The following ANAPC1 variants were observed in gnomAD, a reference collection of about 807,000 sequenced individuals.
The protein encoded by ANAPC1 is anaphase-promoting complex subunit 1.
Under a neutral mutation model 208.0 loss-of-function variants are expected in ANAPC1, and 36 were observed. The observed-to-expected ratio is 0.17, with a 90% CI of 0.13 to 0.23. The LOEUF (loss-of-function observed/expected upper bound fraction) is 0.23. ANAPC1 is among the 10% of genes least tolerant of loss of function. ANAPC1 has a pLI of 1.00. For synonymous variants in ANAPC1, 378 were observed against 695.2 expected (o/e 0.54, Z 7.18); for missense variants, 942 against 2,011.6 (o/e 0.47, Z 10.17).
chr2:111,829,357 C>A (rs536508299), intron 21 of ANAPC1, among the ~76,000 whole-genome samples: 1 of 152,174 alleles, frequency 6.6e-6, no homozygotes, highest in South Asian at 2.1e-4. Context: ...AAGCACTTCT[C>A]ACCATGAAGC....
At chr2:111,783,733 T>C (rs1677407784) in intron 42 of ANAPC1, among the ~76,000 whole-genome samples, 164 bp downstream of exon 42, 1 of 152,296 alleles carries the variant, frequency 6.6e-6, no homozygotes, top group South Asian at 2.1e-4. Context: ...CAAGTCCTGT[T>C]TCAAAGATAC....
At chr2:111,816,341 C>G (rs1392927744) in intron 27 of ANAPC1, among the ~76,000 whole-genome samples, 1 of 150,858 alleles carries the variant, frequency 6.6e-6, no homozygotes, top group East Asian at 1.9e-4. Flanking sequence ...CCCCTTCTCT[C>G]TCTTTTTTTC....
chr2:111,855,853 T>C (rs1681682133), intron 13 of ANAPC1, among the ~76,000 whole-genome samples: 1 of 151,928 alleles, frequency 6.6e-6, no homozygotes, highest in Non-Finnish European at 1.5e-5. Context: ...ATTCACTTCA[T>C]TATTATTATT....
intron 13 of ANAPC1, among the ~76,000 whole-genome samples, 164 bp from the exon 14 acceptor site, chr2:111,851,074 T>G (rs1274867935): frequency 6.6e-6 from 1 of 152,120 alleles, no homozygotes; most frequent in African/African-American, 2.4e-5. Context: ...ATCTATCCAA[T>G]TCCACTATCC....
rs1162540899 is a variant in ANAPC1, at chr2:111,810,882, CAAAAAAAAAA to C, written c.3598-1711_3598-1702del. Among the ~76,000 whole-genome samples, 20 of 71,800 alleles carry C rather than the reference CAAAAAAAAAA, an allele frequency of 2.8e-4. No individual in the cohort carries two copies. In the East Asian group the frequency reaches 4.8e-3, roughly 17 times the overall value. 47.1% of individuals were successfully genotyped at this position (71,800 alleles called of 152,430 possible). ...TAGGTGACAGGGTGAGACTCCACATCAAAAAAAAAAAAAAAAAAAAAAAGAACAGTGGTAC... is the reference window on the plus strand; with the variant it reads ...TAGGTGACAGGGTGAGACTCCACATCAAAAAAAAAAAAAGAACAGTGGTAC... On this transcript the variant is annotated intron_variant, in intron 28 of 47. Coordinates refer to ENST00000341068, the MANE Select transcript of ANAPC1 (RefSeq NM_022662.4).
intron 16 of ANAPC1, among the ~76,000 whole-genome samples, chr2:111,846,624 C>CAGT (rs1681101948): frequency 1.7e-5 from 2 of 121,108 alleles, no homozygotes; most frequent in African/African-American, 6.4e-5. Context: ...GGCTGGAGTG[C>CAGT]AGTGGCACGA....
chr2:111,854,364 C>G (rs181973512), intron 13 of ANAPC1, among the ~76,000 whole-genome samples: 2 of 152,284 alleles, frequency 1.3e-5, no homozygotes, highest in Admixed American at 1.3e-4. Context: ...CCAGGCAGAG[C>G]AGACTTGGCA....
intron 6 of ANAPC1, among the ~76,000 whole-genome samples, chr2:111,872,275 C>A (rs1682794226): frequency 6.6e-6 from 1 of 152,060 alleles, no homozygotes; most frequent in South Asian, 2.1e-4. Flanking sequence ...TGTGATGTGT[C>A]ACATTTATTG....
At chr2:111,810,963 T>C (rs1037200280) in intron 28 of ANAPC1, among the ~76,000 whole-genome samples, 1 of 150,300 alleles carries the variant, frequency 6.7e-6, no homozygotes, top group African/African-American at 2.5e-5. Flanking sequence ...GCTCCTAGAA[T>C]GTATATTAAG....
At chr2:111,867,155 T>C (rs1682471557) in intron 7 of ANAPC1, among the ~76,000 whole-genome samples, 2 of 151,854 alleles carry the variant, frequency 1.3e-5, no homozygotes, top group Non-Finnish European at 2.9e-5. Context: ...CTGAGTGTGG[T>C]GGCACATGCC....
At chr2:111,824,834 G>A in intron 24 of ANAPC1, 132 bp downstream of exon 24, 1 of 950,486 alleles carries the variant, frequency 1.1e-6, no homozygotes, top group Non-Finnish European at 1.6e-6. Flanking sequence ...AAAGAATATG[G>A]CTTGATGAAC....
chr2:111,834,359 T>C (rs1573423064), intron 19 of ANAPC1, among the ~76,000 whole-genome samples: 2 of 152,070 alleles, frequency 1.3e-5, no homozygotes, highest in Admixed American at 1.3e-4. Context: ...GAGCAGGTCA[T>C]CTCCATTTTT....
rs1209280966 is a variant in ANAPC1, at chr2:111,834,834, A to G, written c.2154T>C (p.Asn718=). The change falls in exon 19 of 48, where the codon AAT becomes AAC. Residue 718 remains asparagine (N), a synonymous_variant. Coordinates refer to ENST00000341068, the MANE Select transcript of ANAPC1 (RefSeq NM_022662.4). ...EYLLNSDYHQ[N]VESHLLNRSL... ...ATCTGTTCAAAAGATGAGACTCAAC[A>G]TTCTGGTGGTAGTCTGAATTTAGTA... 1 of 1,606,318 alleles carries G rather than the reference A, an allele frequency of 6.2e-7. No homozygotes were observed. The highest frequency in any genetic ancestry group is 8.5e-7 in the Non-Finnish European group (1 of 1,177,282).
chr2:111,852,518 C>G (rs1573464680), intron 13 of ANAPC1, among the ~76,000 whole-genome samples: 1 of 152,196 alleles, frequency 6.6e-6, no homozygotes, highest in East Asian at 1.9e-4. Context: ...CATCAGGAGG[C>G]ACAGTGAAAA....
At chr2:111,769,675 C>CTGAGT (rs377026379) in intron 47 of ANAPC1, among the ~76,000 whole-genome samples, 1 of 136,754 alleles carries the variant, frequency 7.3e-6, no homozygotes, top group Admixed American at 7.5e-5. Context: ...CACCTACTGG[C>CTGAGT]TTTCTTTTTT....
At chr2:111,829,530 T>C (rs1280479405) in intron 21 of ANAPC1, among the ~76,000 whole-genome samples, 6 of 152,114 alleles carry the variant, frequency 3.9e-5, no homozygotes, top group Non-Finnish European at 5.9e-5. Flanking sequence ...TGCTCCAGGA[T>C]GGGGGGACTG....
At chr2:111,873,107 A>G in intron 5 of ANAPC1, 1 of 602,022 alleles carries the variant, frequency 1.7e-6, no homozygotes, top group Non-Finnish European at 2.8e-6. Flanking sequence ...AGACTTCCTA[A>G]TTTACTTCAC....
At chr2:111,832,050 T>C (rs1680169764) in intron 20 of ANAPC1, among the ~76,000 whole-genome samples, 1 of 146,738 alleles carries the variant, frequency 6.8e-6, no homozygotes, top group Non-Finnish European at 1.5e-5. Flanking sequence ...CCCAGCCCCT[T>C]GGGAGGCTGA....
intron 7 of ANAPC1, among the ~76,000 whole-genome samples, chr2:111,865,520 A>C (rs965917039): frequency 3.9e-5 from 6 of 152,220 alleles, no homozygotes; most frequent in Non-Finnish European, 7.3e-5. Flanking sequence ...CAGTTAAAAT[A>C]CTGAAAAATT....
Sources: gnomAD v4.1 joint callset for allele counts (sites outside exome capture counted in the v4.1 genomes callset) on GRCh38, gnomAD v4.1.1 for gene constraint, MANE v1.5 for transcripts, NCBI Gene and HGNC (gene_info 2026-07-23, HGNC 2026-07-21) for gene names.